Variants in CHRM5 observed in about 807,000 individuals in gnomAD.
CHRM5 encodes the protein cholinergic receptor muscarinic 5, also known as muscarinic acetylcholine receptor M5.
A neutral mutation model predicts 39.0 loss-of-function variants in CHRM5; 18 were observed. The observed-to-expected ratio is 0.46, with a 90% CI of 0.32 to 0.68. CHRM5 has a LOEUF of 0.68. Among genes scored for constraint, CHRM5 ranks in the 30% least tolerant of loss-of-function variants. CHRM5 has a pLI of 0.04. For synonymous variants in CHRM5, 241 were observed against 246.3 expected (o/e 0.98, Z 0.20); for missense variants, 515 against 651.1 (o/e 0.79, Z 2.28).
intron 1 of CHRM5, among the ~76,000 whole-genome samples, chr15:33,970,986 G>C (rs1045217603): frequency 3.3e-5 from 5 of 151,750 alleles, no homozygotes; most frequent in Admixed American, 2.0e-4. Context: ...AACCCATTCA[G>C]AAAAGTGATT....
chr15:33,991,584 C>T (rs1022829497), intron 1 of CHRM5: 2 of 151,420 alleles, frequency 1.3e-5, no homozygotes, highest in African/African-American at 2.4e-5. Context: ...TTTGGGATGA[C>T]TTAGATAATG....
chr15:34,015,055 A>C (rs1375423513), intron 1 of CHRM5, among the ~76,000 whole-genome samples: 1 of 152,108 alleles, frequency 6.6e-6, no homozygotes, highest in Admixed American at 6.6e-5. Context: ...GCTGTCCTTA[A>C]CAGTGTGTCT....
intron 1 of CHRM5, among the ~76,000 whole-genome samples, chr15:33,983,116 T>C (rs1393037617): frequency 1.3e-5 from 2 of 149,214 alleles, no homozygotes; most frequent in East Asian, 3.9e-4. Flanking sequence ...CATATACATA[T>C]ATGTCCATAC....
chr15:33,982,701 A>ACTGCC lies in CHRM5; in HGVS notation c.-408+13552_-408+13553insTGCCC. Among the ~76,000 whole-genome samples the ACTGCC allele has an allele frequency of 3.3e-5, 5 of 152,310 alleles. No homozygotes were observed. In the South Asian group the frequency reaches 6.3e-4, roughly 19 times the overall value. On this transcript the variant is annotated intron_variant, in intron 1 of 2. Coordinates refer to ENST00000383263, the MANE Select transcript of CHRM5 (RefSeq NM_012125.4). ...TGTTTAGGTTATGGCATTTCCAAGA[A>ACTGCC]CAGCAGTAAAGAATGTAGTTATGTT... is the stretch of plus-strand genomic sequence containing the variant.
At chr15:33,980,774 T>C (rs946307161) in intron 1 of CHRM5, among the ~76,000 whole-genome samples, 1 of 152,158 alleles carries the variant, frequency 6.6e-6, no homozygotes, top group African/African-American at 2.4e-5. Flanking sequence ...GGACCTTAAC[T>C]AGTTCCCAAA....
intron 2 of CHRM5, among the ~76,000 whole-genome samples, chr15:34,048,890 T>C (rs899246937): frequency 3.9e-5 from 6 of 152,132 alleles, no homozygotes; most frequent in Non-Finnish European, 8.8e-5. Context: ...TTTTGCAGCA[T>C]ACCACCAGGT....
At chr15:34,026,927 T>C (rs1470324903) in intron 1 of CHRM5, among the ~76,000 whole-genome samples, 4 of 152,122 alleles carry the variant, frequency 2.6e-5, no homozygotes, top group African/African-American at 9.7e-5. Flanking sequence ...AAGAGTGACA[T>C]GATGTGTTTT....
chr15:34,063,296 C>T lies in CHRM5; in HGVS notation c.579C>T (p.Ile193=), dbSNP rs753134569. Residue 193 remains isoleucine (I), a synonymous_variant, in exon 3 of 3, where the codon ATC becomes ATT. Coordinates refer to ENST00000383263, the MANE Select transcript of CHRM5 (RefSeq NM_012125.4). The surrounding 1 kb of genome is among the most constrained non-coding windows in gnomAD (Gnocchi z 4.1). ...TCCAGTTTCTCTCTGAGCCCACCAT[C>T]ACTTTTGGCACTGCCATTGCTGCCT... The part of the protein sequence containing the change: ...CQIQFLSEPT[I]TFGTAIAAFY... 114 of 1,614,084 alleles carry T rather than the reference C, an allele frequency of 7.1e-5. No homozygotes were observed. In the Admixed American group the frequency reaches 1.4e-3, roughly 19 times the overall value.
At position 34,050,309 on chromosome 15, in the gene CHRM5, C is replaced by T. The variant is rs904886149; in HGVS notation, c.-76+3438C>T. Reference sequence around the variant, plus strand: ...AGCAAATGCTGAGGGAATTTGTCACCATTGGGCCTGCCTTGCAAGAGCTCC... The same window carrying T: ...AGCAAATGCTGAGGGAATTTGTCACTATTGGGCCTGCCTTGCAAGAGCTCC... On this transcript the variant is annotated intron_variant, in intron 2 of 2. Coordinates refer to ENST00000383263, the MANE Select transcript of CHRM5 (RefSeq NM_012125.4). 2.0e-5 allele frequency among the ~76,000 whole-genome samples: 3 copies of T among 152,280 alleles called. No individual in the cohort carries two copies. The East Asian group carries it at 5.8e-4, about 29-fold the overall frequency.
At chr15:33,987,067 T>C (rs10519901) in intron 1 of CHRM5, among the ~76,000 whole-genome samples, 11,666 of 152,300 alleles carry the variant, frequency 0.077, 586 homozygotes, top group South Asian at 0.21. Flanking sequence ...CACCACTCAA[T>C]GCCTCTAAAT....
intron 2 of CHRM5, among the ~76,000 whole-genome samples, chr15:34,060,589 A>C (rs150280051): frequency 6.1e-4 from 93 of 152,234 alleles, no homozygotes; most frequent in African/African-American, 2.1e-3. Context: ...CATCAAAAAG[A>C]TTTTCACCGG....
At chr15:34,044,292 C>A (rs1262354652) in intron 1 of CHRM5, among the ~76,000 whole-genome samples, 1 of 152,196 alleles carries the variant, frequency 6.6e-6, no homozygotes, top group Non-Finnish European at 1.5e-5. Context: ...GCAAGTTTCA[C>A]TGTGATCTCC....
chr15:33,980,127 A>C lies in CHRM5; in HGVS notation c.-408+10977A>C, dbSNP rs1368260450. 1.6e-4 allele frequency among the ~76,000 whole-genome samples: 24 copies of C among 152,222 alleles called. 1 individual carries two copies. On this transcript the variant is annotated intron_variant, in intron 1 of 2. Transcript: ENST00000383263. Reference sequence around the variant, plus strand: ...ATAGTAAACTAGTATGACTCAGAGCAACTAGGCACAGAAGAAATAGGTACA... The same window carrying C: ...ATAGTAAACTAGTATGACTCAGAGCCACTAGGCACAGAAGAAATAGGTACA...
rs532493358 is a variant in CHRM5, at chr15:34,021,597, G to A, written c.-407-24943G>A. On this transcript the variant is annotated intron_variant, in intron 1 of 2. Coordinates refer to ENST00000383263, the MANE Select transcript of CHRM5 (RefSeq NM_012125.4). ...TGGCCGTGTAAGGTGGCTCATGCCTGTAATCCCAGCACTTTGGGAGGCCAA... is the reference window on the plus strand; with the variant it reads ...TGGCCGTGTAAGGTGGCTCATGCCTATAATCCCAGCACTTTGGGAGGCCAA... Among the ~76,000 whole-genome samples, 19 of 152,264 alleles carry A rather than the reference G, an allele frequency of 1.2e-4. No homozygotes were observed. The South Asian group carries it at 3.7e-3, about 30-fold the overall frequency.
chr15:33,981,668 C>T (rs550430338), intron 1 of CHRM5, among the ~76,000 whole-genome samples: 1 of 152,192 alleles, frequency 6.6e-6, no homozygotes, highest in Non-Finnish European at 1.5e-5. Context: ...GGAATTCACA[C>T]TGCAGTTCCA....
rs557793410 is a variant in CHRM5, at chr15:34,059,822, A to ATAGG, written c.-75-2821_-75-2820insTAGG. Reference sequence around the variant, plus strand: ...CTCAACGAGGCTGGAGGTCCTTCACAGGTGCCCCTATGGCATGTTGCACCC... The same window carrying ATAGG: ...CTCAACGAGGCTGGAGGTCCTTCACATAGGGGTGCCCCTATGGCATGTTGCACCC... On this transcript the variant is annotated intron_variant, in intron 2 of 2. Transcript: ENST00000383263. Among the ~76,000 whole-genome samples, 12 of 152,308 alleles carry ATAGG rather than the reference A, an allele frequency of 7.9e-5. No individual in the cohort carries two copies. The East Asian group carries it at 1.9e-3, about 25-fold the overall frequency.
In CHRM5 at chr15:34,064,194, A is replaced by G; in HGVS notation, c.1477A>G (p.Ile493Val). ...LCYVNSTVNPICYALCNRTFR... is the reference protein window; with the variant it reads ...LCYVNSTVNPVCYALCNRTFR... ...CTATGTCAATAGCACTGTCAACCCC[A>G]TCTGCTATGCCCTCTGCAACAGAAC... Residue 493 changes from isoleucine (I) to valine (V), a missense_variant, in exon 3 of 3, where the codon ATC (isoleucine) becomes GTC (valine). Coordinates refer to ENST00000383263, the MANE Select transcript of CHRM5 (RefSeq NM_012125.4). 6.2e-7 allele frequency: 1 copy of G among 1,614,170 alleles called. No individual in the cohort carries two copies. The highest frequency in any genetic ancestry group is 8.5e-7 in the Non-Finnish European group (1 of 1,180,030).
chr15:33,982,941 T>TCCC (rs56928120), intron 1 of CHRM5, among the ~76,000 whole-genome samples: 1 of 151,638 alleles, frequency 6.6e-6, no homozygotes, highest in African/African-American at 2.4e-5. Flanking sequence ...GGGACATGCC[T>TCCC]CCTTCCTACC....
At chr15:34,007,101 T>C in intron 1 of CHRM5, 3 of 976,784 alleles carry the variant, frequency 3.1e-6, no homozygotes, top group Non-Finnish European at 3.6e-6. Context: ...TCCATTTAGA[T>C]TAATAAGCTG....
Sources: gnomAD v4.1 joint callset for allele counts (sites outside exome capture counted in the v4.1 genomes callset) on GRCh38, gnomAD v4.1.1 for gene constraint, Gnocchi (gnomAD v3.1) non-coding constraint, MANE v1.5 for transcripts, NCBI Gene and HGNC (gene_info 2026-07-23, HGNC 2026-07-21) for gene names.